Variants in FAM171A1 observed in about 807,000 individuals in gnomAD.
FAM171A1 encodes protein FAM171A1.
A neutral mutation model predicts 74.9 loss-of-function variants in FAM171A1; 23 were observed. That is an observed-to-expected ratio of 0.31 (90% confidence interval 0.22 to 0.44). The LOEUF is 0.44. Ranked by LOEUF, FAM171A1 falls within the 20% of genes least tolerant of loss-of-function variation. The pLI, the probability that FAM171A1 is intolerant of heterozygous loss-of-function variation, is 1.00. For missense variants in FAM171A1, 1,162 were observed against 1,159.2 expected, an observed-to-expected ratio of 1.00 and a Z score of -0.03; for synonymous variants, 527 against 505.7, an observed-to-expected ratio of 1.04 and a Z score of -0.57.
intron 2 of FAM171A1, among the ~76,000 whole-genome samples, chr10:15,278,770 G>C (rs535736915): frequency 1.3e-5 from 2 of 152,146 alleles, no homozygotes; most frequent in South Asian, 4.2e-4. Flanking sequence ...GAGTGAGTTG[G>C]TGCTAATAGG....
chr10:15,339,362 C>T (rs1230914459), intron 1 of FAM171A1, among the ~76,000 whole-genome samples: 1 of 152,162 alleles, frequency 6.6e-6, no homozygotes, highest in Non-Finnish European at 1.5e-5. Context: ...TTTCTGAGTA[C>T]CGCATCACAT....
At chr10:15,279,805 C>T (rs973525281) in intron 2 of FAM171A1, among the ~76,000 whole-genome samples, 2 of 152,162 alleles carry the variant, frequency 1.3e-5, no homozygotes, top group African/African-American at 4.8e-5. Flanking sequence ...GCAGTTCCAG[C>T]TACTCGGGAG....
intron 1 of FAM171A1, among the ~76,000 whole-genome samples, chr10:15,349,238 G>A (rs925625001): frequency 1.3e-5 from 2 of 152,168 alleles, no homozygotes; most frequent in African/African-American, 4.8e-5. Flanking sequence ...GTACACACCT[G>A]CAGACAGGTG....
chr10:15,352,197 C>CCACTG (rs1197889648), intron 1 of FAM171A1, among the ~76,000 whole-genome samples: 3 of 151,892 alleles, frequency 2.0e-5, no homozygotes, highest in Admixed American at 2.0e-4. Context: ...CGAAATCACG[C>CCACTG]CACTGCACTC....
intron 1 of FAM171A1, among the ~76,000 whole-genome samples, chr10:15,327,953 A>AT (rs1269056871): frequency 1.3e-5 from 2 of 151,052 alleles, no homozygotes; most frequent in African/African-American, 4.9e-5. Flanking sequence ...AAAAAAAAAA[A>AT]TCAGAGATTA....
At chr10:15,262,796 G>A (rs1335321353) in intron 3 of FAM171A1, among the ~76,000 whole-genome samples, 2 of 148,934 alleles carry the variant, frequency 1.3e-5, no homozygotes, top group East Asian at 1.9e-4. Context: ...GGTGTGAGAG[G>A]AGGTGATAAC....
chr10:15,216,852 T>A, intron 6 of FAM171A1, among the ~76,000 whole-genome samples: 1 of 147,826 alleles, frequency 6.8e-6, no homozygotes. Flanking sequence ...AAAAAAACCC[T>A]ACAAAGTTTT....
intron 7 of FAM171A1, among the ~76,000 whole-genome samples, 172 bp from the exon 8 acceptor site, chr10:15,214,773 T>C (rs548129976): frequency 2.6e-5 from 4 of 151,878 alleles, no homozygotes; most frequent in Admixed American, 2.6e-4. Context: ...TTTTTTTTTT[T>C]TGAGACAGCA....
chr10:15,302,785 G>T (rs950923828), intron 1 of FAM171A1, among the ~76,000 whole-genome samples: 2 of 152,222 alleles, frequency 1.3e-5, no homozygotes, highest in African/African-American at 4.8e-5. Flanking sequence ...AAATGTGCAT[G>T]TGTTTAGTGA....
chr10:15,242,110 A>G (rs1250942907), intron 5 of FAM171A1, among the ~76,000 whole-genome samples: 1 of 152,212 alleles, frequency 6.6e-6, no homozygotes, highest in African/African-American at 2.4e-5. Context: ...ATGATCGATT[A>G]CTGTAATCAT....
At position 15,352,391 on chromosome 10, in the gene FAM171A1, A is replaced by G. The variant is rs919112773; in HGVS notation, c.97+18565T>C. 3.9e-5 allele frequency among the ~76,000 whole-genome samples: 6 copies of G among 152,344 alleles called. No homozygotes were observed. In the East Asian group the frequency reaches 1.2e-3, roughly 29 times the overall value. On this transcript the variant is annotated intron_variant, in intron 1 of 7. Transcript: ENST00000378116. ...AGAATGTGAAACAGGAATGGGCCTC[A>G]CCCAATTAATAAAACGTTGTCTAAT...
intron 1 of FAM171A1, among the ~76,000 whole-genome samples, chr10:15,366,372 A>G (rs376424158): frequency 1.8e-3 from 272 of 152,274 alleles, no homozygotes; most frequent in African/African-American, 5.9e-3. Context: ...CACCCACCTC[A>G]GCTTCCCAAA....
intron 4 of FAM171A1, among the ~76,000 whole-genome samples, chr10:15,253,079 C>T (rs569750286): frequency 1.3e-5 from 2 of 152,296 alleles, no homozygotes; most frequent in South Asian, 4.1e-4. Context: ...TCTTGGCTCA[C>T]TGCAACCTCC....
chr10:15,306,659 C>A (rs1056763050), intron 1 of FAM171A1, among the ~76,000 whole-genome samples: 2 of 152,222 alleles, frequency 1.3e-5, no homozygotes, highest in African/African-American at 2.4e-5. Context: ...AGCCACTGAG[C>A]CTGGCATAGC....
chr10:15,289,581 C>G (rs966761203), intron 1 of FAM171A1, among the ~76,000 whole-genome samples: 4 of 152,292 alleles, frequency 2.6e-5, no homozygotes, highest in Non-Finnish European at 5.9e-5. Flanking sequence ...TTTACCAAAA[C>G]AGTCACCCTC....
At chr10:15,354,618 T>C (rs1288138055) in intron 1 of FAM171A1, among the ~76,000 whole-genome samples, 1 of 152,196 alleles carries the variant, frequency 6.6e-6, no homozygotes, top group Non-Finnish European at 1.5e-5. Context: ...CTGTAAGTCC[T>C]TTCTCCAACA....
At chr10:15,314,876 C>T (rs1835404461) in intron 1 of FAM171A1, among the ~76,000 whole-genome samples, 1 of 152,238 alleles carries the variant, frequency 6.6e-6, no homozygotes, top group Admixed American at 6.5e-5. Flanking sequence ...GCCTGGCCTG[C>T]AGCCGCGGGG....
chr10:15,263,144 T>C (rs1834683638), intron 3 of FAM171A1, among the ~76,000 whole-genome samples: 1 of 152,168 alleles, frequency 6.6e-6, no homozygotes, highest in South Asian at 2.1e-4. Context: ...ACAGTGCCCA[T>C]GGGCAGCTGG....
At chr10:15,342,481 T>C (rs568113196) in intron 1 of FAM171A1, among the ~76,000 whole-genome samples, 1 of 152,076 alleles carries the variant, frequency 6.6e-6, no homozygotes, top group Non-Finnish European at 1.5e-5. Context: ...GGAGGAAGGA[T>C]TGCTTGAACC....
Sources: gnomAD v4.1 joint callset for allele counts (sites outside exome capture counted in the v4.1 genomes callset) on GRCh38, gnomAD v4.1.1 for gene constraint, MANE v1.5 for transcripts, NCBI Gene and HGNC (gene_info 2026-07-23, HGNC 2026-07-21) for gene names.